SLC2A9: variants seen among roughly 807,000 people sequenced by gnomAD.
SLC2A9 encodes solute carrier family 2, facilitated glucose transporter member 9.
Under a neutral mutation model 50.6 loss-of-function variants are expected in SLC2A9, and 39 were observed. The ratio of observed to expected loss-of-function variants is 0.77; its 90% CI spans 0.60 to 1.01. SLC2A9 has a LOEUF of 1.01. Ranked by LOEUF, SLC2A9 falls within the 50% of genes least tolerant of loss-of-function variation. SLC2A9 has a pLI of 0.00. For missense variants in SLC2A9, 686 were observed against 677.6 expected, an observed-to-expected ratio of 1.01 and a Z score of -0.14; for synonymous variants, 324 against 276.9, an observed-to-expected ratio of 1.17 and a Z score of -1.69.
At chr4:9,945,589 T>A (rs557231953) in intron 5 of SLC2A9, among the ~76,000 whole-genome samples, 1 of 152,210 alleles carries the variant, frequency 6.6e-6, no homozygotes, top group Admixed American at 6.5e-5. Flanking sequence ...AAATCTGGGA[T>A]CCCAGAGTCT....
chr4:9,788,081 T>TA (rs1314723909), intron 3 of SLC2A9, among the ~76,000 whole-genome samples: 5 of 152,136 alleles, frequency 3.3e-5, no homozygotes, highest in African/African-American at 4.8e-5. Flanking sequence ...ATAGTGTTTT[T>TA]AAAAAAAATT....
chr4:9,971,882 G>A (rs2109014624), intron 5 of SLC2A9, among the ~76,000 whole-genome samples: 1 of 152,344 alleles, frequency 6.6e-6, no homozygotes, highest in Middle Eastern at 3.4e-3. Flanking sequence ...CCTTACACGA[G>A]AAAATACTGC....
rs139353036 is a variant in SLC2A9, at chr4:9,974,169, A to T, written c.681+6423T>A. 3.5e-3 allele frequency among the ~76,000 whole-genome samples: 528 copies of T among 152,350 alleles called. 4 individuals carry two copies. Among genetic ancestry groups the T allele is most frequent in the African/African-American group, 0.012 (480 of 41,586 alleles). ...TGAGAGCCAACTATGACAAACCCAC[A>T]GCCAACATCATACTGAACAGGCAAA... On this transcript the variant is annotated intron_variant, in intron 5 of 11. Transcript: ENST00000264784.
At position 9,938,576 on chromosome 4, in the gene SLC2A9, T is replaced by A. The variant is rs1338450030; in HGVS notation, c.814+3337A>T. Among the ~76,000 whole-genome samples the A allele has an allele frequency of 2.6e-5, 4 of 152,104 alleles. No homozygotes were observed. The East Asian group carries it at 5.8e-4, about 22-fold the overall frequency. ...GTGAGCCACTGCGCCTGGCCGATCT[T>A]TTGCTATTATGGTTGTCTTTATGTG... On this transcript the variant is annotated intron_variant, in intron 6 of 11. Coordinates refer to ENST00000264784, the MANE Select transcript of SLC2A9 (RefSeq NM_020041.3).
At chr4:9,785,559 A>C (rs1249998080) in intron 3 of SLC2A9, among the ~76,000 whole-genome samples, 2 of 152,242 alleles carry the variant, frequency 1.3e-5, no homozygotes. Context: ...TATAAGCAAA[A>C]TCTTTTGTGA....
chr4:9,903,774 TATATAA>T (rs1483808980), intron 8 of SLC2A9, among the ~76,000 whole-genome samples: 1 of 149,196 alleles, frequency 6.7e-6, no homozygotes, highest in Non-Finnish European at 1.5e-5. Context: ...TAACTGTATA[TATATAA>T]ATATATTTAT....
At chr4:9,771,279 T>C (rs1378881516) in exon 2 of SLC2A9, 1 of 386,380 alleles carries the variant, frequency 2.6e-6, no homozygotes, top group South Asian at 1.5e-4. Flanking sequence ...ATCTGGAGTG[T>C]GATGCAGGTC....
chr4:9,874,741 T>G (rs974700339), intron 10 of SLC2A9, among the ~76,000 whole-genome samples: 1 of 152,226 alleles, frequency 6.6e-6, no homozygotes, highest in African/African-American at 2.4e-5. Context: ...ACCCATGTTC[T>G]CACAGGTTAG....
intron 10 of SLC2A9, among the ~76,000 whole-genome samples, chr4:9,867,990 GCA>G (rs1732777399): frequency 6.6e-6 from 1 of 152,118 alleles, no homozygotes; most frequent in Admixed American, 6.5e-5. Flanking sequence ...AACGTGCCTT[GCA>G]CAGTCACACC....
intron 10 of SLC2A9, among the ~76,000 whole-genome samples, chr4:9,867,704 C>A (rs1467195016): frequency 6.6e-6 from 1 of 152,186 alleles, no homozygotes; most frequent in East Asian, 1.9e-4. Flanking sequence ...CCCCTGAGAG[C>A]TGGGGACACC....
chr4:9,936,657 C>T (rs1038740891), intron 6 of SLC2A9, among the ~76,000 whole-genome samples: 1 of 152,004 alleles, frequency 6.6e-6, no homozygotes, highest in Admixed American at 6.5e-5. Context: ...ACAGAAGGGG[C>T]GGGAAGGCGC....
At chr4:9,962,597 C>T (rs913575112) in intron 5 of SLC2A9, among the ~76,000 whole-genome samples, 7 of 152,070 alleles carry the variant, frequency 4.6e-5, no homozygotes, top group Admixed American at 3.9e-4. Context: ...GGACAGTAAA[C>T]AACCTAATGC....
chr4:9,845,355 G>C (rs545494672), intron 10 of SLC2A9, among the ~76,000 whole-genome samples: 1 of 150,896 alleles, frequency 6.6e-6, no homozygotes, highest in Admixed American at 6.6e-5. Context: ...AAGAAATAAA[G>C]GACAACTGCC....
At chr4:9,804,917 G>T (rs191687877) in intron 3 of SLC2A9, among the ~76,000 whole-genome samples, 352 of 152,248 alleles carry the variant, frequency 2.3e-3, no homozygotes, top group African/African-American at 8.2e-3. Flanking sequence ...ACAGGGGTGG[G>T]GACAGCCCTG....
intron 10 of SLC2A9, among the ~76,000 whole-genome samples, chr4:9,871,412 T>G (rs1733414121): frequency 6.6e-6 from 1 of 152,290 alleles, no homozygotes; most frequent in South Asian, 2.1e-4. Flanking sequence ...GCAGAGTTGG[T>G]TCTCTCTGCA....
intron 2 of SLC2A9, among the ~76,000 whole-genome samples, chr4:10,013,411 C>T (rs910540600): frequency 3.9e-5 from 6 of 152,240 alleles, no homozygotes; most frequent in African/African-American, 1.4e-4. Flanking sequence ...GTTGGGTGGC[C>T]AGGAGGCACA....
chr4:9,940,222 C>T (rs1046738758), intron 6 of SLC2A9, among the ~76,000 whole-genome samples: 7 of 152,210 alleles, frequency 4.6e-5, no homozygotes, highest in Non-Finnish European at 8.8e-5. Flanking sequence ...CCTTGGTTCT[C>T]TCTCTTAGTC....
rs118135819 is a variant in SLC2A9 at position 9,977,698 on chromosome 4, A to T, written c.681+2894T>A. ...AGACCCGCCCAGATAAATCCTACTC[A>T]TCCTCAAGCCATGAGTTTAGATGTC... On this transcript the variant is annotated intron_variant, in intron 5 of 11. Transcript: ENST00000264784. 5.7e-4 allele frequency among the ~76,000 whole-genome samples: 87 copies of T among 151,704 alleles called. No individual in the cohort carries two copies. The East Asian group carries it at 0.016, about 29-fold the overall frequency.
rs142174902 is a variant in SLC2A9 at position 9,938,089 on chromosome 4, T to A, written c.814+3824A>T. On this transcript the variant is annotated intron_variant, in intron 6 of 11. Coordinates refer to ENST00000264784, the MANE Select transcript of SLC2A9 (RefSeq NM_020041.3). ...CATCTATAATTGTTTGTTAAATAAG[T>A]GAATTAAATTGGCATTGGGATATCA... Among the ~76,000 whole-genome samples the A allele has an allele frequency of 6.6e-3, 998 of 152,288 alleles. 8 individuals are homozygous for A. Among genetic ancestry groups the A allele is most frequent in the African/African-American group, 0.023 (940 of 41,550 alleles).
Sources: allele counts gnomAD v4.1 joint callset (sites outside exome capture counted in the v4.1 genomes callset), GRCh38; gene constraint gnomAD v4.1.1; transcripts MANE v1.5; gene names NCBI Gene and HGNC (gene_info 2026-07-23, HGNC 2026-07-21).